Variants in STRIP1 observed in about 807,000 individuals in gnomAD.
STRIP1 encodes the protein striatin interacting protein 1.
STRIP1 carries 63 observed loss-of-function variants against 106.2 expected under a neutral mutation model. The ratio of observed to expected loss-of-function variants is 0.59; its 90% CI spans 0.48 to 0.73. The LOEUF (loss-of-function observed/expected upper bound fraction) is 0.73. STRIP1 is among the 30% of genes least tolerant of loss of function. The pLI, the probability that STRIP1 is intolerant of heterozygous loss-of-function variation, is 0.00. For missense variants in STRIP1, 857 were observed against 1,074.8 expected (o/e 0.80, Z 2.83); for synonymous variants, 390 against 413.0 (o/e 0.94, Z 0.67).
intron 6 of STRIP1, among the ~76,000 whole-genome samples, 182 bp downstream of exon 6, chr1:110,040,885 C>T (rs1277600148): frequency 6.6e-6 from 1 of 152,150 alleles, no homozygotes; most frequent in Non-Finnish European, 1.5e-5. Flanking sequence ...AGGTGGGACT[C>T]TGGGTTGAGA....
At chr1:110,046,658 CT>C (rs1557793566) in intron 12 of STRIP1, 21 bp from the exon 13 acceptor site, 3 of 1,612,118 alleles carry the variant, frequency 1.9e-6, no homozygotes, top group South Asian at 1.1e-5. Context: ...CCCAGCCCTT[CT>C]TTTCCCATCT....
At chr1:110,048,993 G>A in intron 15 of STRIP1, 119 bp from the exon 16 acceptor site, 9 of 1,183,842 alleles carry the variant, frequency 7.6e-6, no homozygotes, top group Non-Finnish European at 1.1e-5. Flanking sequence ...ATGTCCTTGG[G>A]GTGAGTGGGG....
chr1:110,039,230 G>A lies in STRIP1; in HGVS notation c.384G>A (p.Arg128=). 1 of 1,614,212 alleles carries A rather than the reference G, an allele frequency of 6.2e-7. No homozygotes were observed. The highest frequency in any genetic ancestry group is 1.1e-5 in the South Asian group (1 of 91,088). Residue 128 remains arginine, a synonymous_variant, in exon 4 of 21, where the codon AGG becomes AGA. Transcript: ENST00000369795. ...ACCAGCACCGGACCCATGCCATGAG[G>A]CTCCTGGATGGCTTGGAAGTCACTG... ...DTNQHRTHAM[R]LLDGLEVTAR...
At chr1:110,046,587 T>G in intron 12 of STRIP1, 93 bp from the exon 13 acceptor site, 1 of 1,113,388 alleles carries the variant, frequency 9.0e-7, no homozygotes, top group Non-Finnish European at 1.4e-6. Context: ...AAGACTGTGT[T>G]TGAAGACAAA....
At chr1:110,037,621 T>C (rs1228303619) in intron 1 of STRIP1, among the ~76,000 whole-genome samples, 2 of 152,206 alleles carry the variant, frequency 1.3e-5, no homozygotes, top group African/African-American at 4.8e-5. Context: ...GTGAAATCAT[T>C]GGTAAGTTAA....
At position 110,053,813 on chromosome 1, in the gene STRIP1, A is replaced by G. The variant is rs1398222726; in HGVS notation, c.2415A>G (p.Gln805=). ...ACTGCCTGCAGAGTGTCCTGGGCCA[A>G]CGGGTGGACCTCCCTGAGGACTTTC... ...VDNCLQSVLG[Q]RVDLPEDFQM... Residue 805 remains glutamine, a synonymous_variant, in exon 21 of 21, where the codon CAA becomes CAG. Coordinates refer to ENST00000369795, the MANE Select transcript of STRIP1 (RefSeq NM_033088.4). 6.2e-7 allele frequency: 1 copy of G among 1,614,188 alleles called. No homozygotes were observed. Among genetic ancestry groups the G allele is most frequent in the East Asian group, 2.2e-5 (1 of 44,876 alleles).
Position 110,047,351 on chromosome 1 carries a change from T to C in STRIP1, c.1489-191T>C, listed in dbSNP as rs556876123. Among the ~76,000 whole-genome samples, 46 of 152,346 alleles carry C rather than the reference T, an allele frequency of 3.0e-4. No individual in the cohort carries two copies. The South Asian group carries it at 8.1e-3, about 27-fold the overall frequency. On this transcript the variant is annotated intron_variant, in intron 13 of 20. Transcript: ENST00000369795. Reference sequence around the variant, plus strand: ...TAATAATACCTTTATAGGGTTATAATAATAAGGATGAACTGAGTTATTACA... The same window carrying C: ...TAATAATACCTTTATAGGGTTATAACAATAAGGATGAACTGAGTTATTACA...
Position 110,054,028 on chromosome 1 carries a change from A to C in STRIP1, c.*116A>C. On this transcript the variant is annotated 3_prime_UTR_variant, in exon 21 of 21. Transcript: ENST00000369795. ...CCCCACCAGGTGGCAGCACAGCCCC[A>C]CTGTGTCTTCCGCAGTCTGTCCTGG... is the stretch of plus-strand genomic sequence containing the variant. 4 of 1,328,462 alleles carry C rather than the reference A, an allele frequency of 3.0e-6. No homozygotes were observed. The highest frequency in any genetic ancestry group is 4.2e-6 in the Non-Finnish European group (4 of 955,996). The allele number at this position is 1,328,462 out of a possible 1,614,324, so 82.3% of individuals were successfully genotyped here.
chr1:110,035,147 GGGGGTCTTGGTGCACTCCAGGGCGCT>G (rs1037097845), intron 1 of STRIP1, among the ~76,000 whole-genome samples: 3 of 152,168 alleles, frequency 2.0e-5, no homozygotes, highest in African/African-American at 7.2e-5. Flanking sequence ...GTGAGGAGTC[GGGGGTCTTGGTGCACTCCAGGGCGCT>G]GGGCTGCCGC....
At chr1:110,035,305 A>T (rs1045792764) in intron 1 of STRIP1, among the ~76,000 whole-genome samples, 1 of 152,168 alleles carries the variant, frequency 6.6e-6, no homozygotes, top group Non-Finnish European at 1.5e-5. Flanking sequence ...TCTGGAAGGA[A>T]CTTAGAGCCG....
intron 16 of STRIP1, 77 bp from the exon 17 acceptor site, chr1:110,049,383 T>G (rs1053767708): frequency 2.6e-6 from 4 of 1,552,532 alleles, no homozygotes; most frequent in Non-Finnish European, 3.5e-6. Flanking sequence ...AGCCAAGGCC[T>G]TTCATCCCTG....
chr1:110,040,004 G>A (rs1570916194), intron 5 of STRIP1: 2 of 786,048 alleles, frequency 2.5e-6, no homozygotes, highest in East Asian at 6.4e-5. Flanking sequence ...TTGAGTGCCT[G>A]TGTGTCCCGG....
chr1:110,043,936 C>T (rs1397826725), intron 10 of STRIP1, 80 bp downstream of exon 10: 1 of 1,318,744 alleles, frequency 7.6e-7, no homozygotes, highest in Non-Finnish European at 1.1e-6. Flanking sequence ...TGGCCTGTGT[C>T]ACCATGTGTG....
chr1:110,040,533 C>A, intron 5 of STRIP1, 102 bp from the exon 6 acceptor site: 1 of 1,124,266 alleles, frequency 8.9e-7, no homozygotes, highest in Non-Finnish European at 1.3e-6. Flanking sequence ...GCAGTCCAAG[C>A]ACGTATCACA....
chr1:110,042,642 G>A (rs11580776), intron 8 of STRIP1, among the ~76,000 whole-genome samples: 3,599 of 152,336 alleles, frequency 0.024, 49 homozygotes, highest in Middle Eastern at 0.054. Context: ...TGTTGCTGGC[G>A]TTTCTGCTTC....
intron 20 of STRIP1, among the ~76,000 whole-genome samples, chr1:110,052,942 C>G (rs577903888): frequency 7.9e-5 from 12 of 152,342 alleles, no homozygotes; most frequent in African/African-American, 2.9e-4. Context: ...CTTCCTATTT[C>G]CCTTAGAATT....
At chr1:110,042,801 T>C (rs908990928) in intron 8 of STRIP1, 12 of 310,812 alleles carry the variant, frequency 3.9e-5, no homozygotes, top group African/African-American at 2.1e-4. Flanking sequence ...TTAGGCTCTT[T>C]GCTTCTTTTT....
chr1:110,047,711 T>G, intron 14 of STRIP1, 61 bp from the exon 15 acceptor site: 1 of 1,538,836 alleles, frequency 6.5e-7, no homozygotes, highest in Non-Finnish European at 8.8e-7. Flanking sequence ...GGAGGACTGC[T>G]CAGAGCTTAA....
At chr1:110,051,967 C>A in intron 20 of STRIP1, 80 bp downstream of exon 20, 1 of 1,448,324 alleles carries the variant, frequency 6.9e-7, no homozygotes, top group Non-Finnish European at 9.5e-7. Flanking sequence ...CCGTGGTACT[C>A]AGGTACTTCT....
Sources: gnomAD v4.1 joint callset for allele counts (sites outside exome capture counted in the v4.1 genomes callset) on GRCh38, gnomAD v4.1.1 for gene constraint, MANE v1.5 for transcripts, NCBI Gene and HGNC (gene_info 2026-07-23, HGNC 2026-07-21) for gene names.